Variants in COL22A1 observed in about 807,000 individuals in gnomAD.
COL22A1 encodes the protein collagen type XXII alpha 1 chain, also known as collagen alpha-1(XXII) chain.
In COL22A1, 221 loss-of-function variants were observed where a neutral mutation model predicts 248.9. The observed-to-expected ratio is 0.89, with a 90% confidence interval of 0.80 to 0.99. The LOEUF is 0.99. Ranked by LOEUF, COL22A1 falls within the 50% of genes least tolerant of loss-of-function variation. The probability of loss-of-function intolerance (pLI) is 0.00; values close to 1 mark genes in which losing one functional copy is unlikely to be tolerated. For synonymous variants in COL22A1, 891 were observed against 793.4 expected (o/e 1.12, Z -2.07); for missense variants, 2,240 against 2,179.0 (o/e 1.03, Z -0.56).
chr8:138,593,271 G>T lies in COL22A1; in HGVS notation c.4615+746C>A, dbSNP rs573440360. Among the ~76,000 whole-genome samples the T allele has an allele frequency of 3.9e-5, 6 of 152,142 alleles. No individual in the cohort carries two copies. The South Asian group carries it at 1.2e-3, about 32-fold the overall frequency. On this transcript the variant is annotated intron_variant, in intron 63 of 64. Coordinates refer to ENST00000303045, the MANE Select transcript of COL22A1 (RefSeq NM_152888.3). The stretch of plus-strand genomic sequence containing the variant: ...TTAGGACAAATACCTAATGCATGCA[G>T]GGCTTTAAACCTAGATGACGGTTTG...
chr8:138,641,252 C>T (rs1179362609), intron 47 of COL22A1, among the ~76,000 whole-genome samples: 1 of 152,184 alleles, frequency 6.6e-6, no homozygotes, highest in African/African-American at 2.4e-5. Context: ...CCAATGGCAG[C>T]AGGTATTATC....
chr8:138,676,458 G>GAAAGA (rs1564179990), intron 41 of COL22A1, 100 bp downstream of exon 41: 171 of 155,656 alleles, frequency 1.1e-3, no homozygotes, highest in African/African-American at 6.9e-3. Flanking sequence ...AGAAAGAAAG[G>GAAAGA]AAGAAAGAAA....
chr8:138,659,388 G>C (rs1823588769), intron 44 of COL22A1, among the ~76,000 whole-genome samples: 1 of 152,176 alleles, frequency 6.6e-6, no homozygotes. Flanking sequence ...ATTTGTAGCA[G>C]GTCAGGCTTA....
At chr8:138,715,050 C>A (rs1829322396) in intron 30 of COL22A1, among the ~76,000 whole-genome samples, 1 of 152,158 alleles carries the variant, frequency 6.6e-6, no homozygotes, top group Non-Finnish European at 1.5e-5. Context: ...GCACTCAGCA[C>A]AGGACAGGAG....
rs148787083 is a variant in COL22A1, at chr8:138,674,552, C to T, written c.3150+2006G>A. 1.2e-3 allele frequency among the ~76,000 whole-genome samples: 184 copies of T among 152,302 alleles called. 3 individuals carry two copies. The East Asian group carries it at 0.027, about 23-fold the overall frequency. ...TGATTTACAGCCTCTTGACTAGAGC[C>T]AGCCAATTACTTTTCAGGTGGACTT... On this transcript the variant is annotated intron_variant, in intron 41 of 64. Transcript: ENST00000303045.
intron 30 of COL22A1, among the ~76,000 whole-genome samples, chr8:138,703,595 G>A (rs991283765): frequency 4.6e-5 from 7 of 152,156 alleles, no homozygotes; most frequent in African/African-American, 7.2e-5. Flanking sequence ...ATTGATATGC[G>A]TAGTGGTAGA....
intron 51 of COL22A1, among the ~76,000 whole-genome samples, chr8:138,625,655 A>T: frequency 6.6e-6 from 1 of 152,262 alleles, no homozygotes; most frequent in East Asian, 1.9e-4. Flanking sequence ...AGAAATTTTT[A>T]AAATGCTATG....
At chr8:138,872,333 G>C (rs1423184162) in intron 3 of COL22A1, among the ~76,000 whole-genome samples, 1 of 152,180 alleles carries the variant, frequency 6.6e-6, no homozygotes, top group Non-Finnish European at 1.5e-5. Context: ...CACCACGGGA[G>C]CACAGGAGAG....
chr8:138,589,397 C>T lies in COL22A1; in HGVS notation c.4737G>A (p.Gly1579=). 6.3e-7 allele frequency: 1 copy of T among 1,592,824 alleles called. No homozygotes were observed. Among genetic ancestry groups the T allele is most frequent in the Non-Finnish European group, 8.5e-7 (1 of 1,170,240 alleles). ...EPGYAKDGLP[G]IPGPQGETGP... ...CTGTCTCCCCTTGAGGGCCAGGGAT[C>T]CCAGGAAGTCCATCTTTAGCATAGC... The change falls in exon 65 of 65, where the codon GGG becomes GGA. Residue 1579 remains glycine, a synonymous_variant. Transcript: ENST00000303045.
At chr8:138,722,854 GGGGGGGT>G (rs1384674399) in intron 25 of COL22A1, among the ~76,000 whole-genome samples, 1 of 128,886 alleles carries the variant, frequency 7.8e-6, no homozygotes, top group East Asian at 3.0e-4. Context: ...TGGGGGCGGG[GGGGGGGT>G]GGTGGAAAAC....
intron 2 of COL22A1, 106 bp downstream of exon 2, chr8:138,882,976 G>T: frequency 9.9e-7 from 1 of 1,010,880 alleles, no homozygotes; most frequent in Non-Finnish European, 1.4e-6. Context: ...CTCTCACACA[G>T]TCAGTTGTGA....
chr8:138,883,650 T>C (rs1824418207), intron 1 of COL22A1, among the ~76,000 whole-genome samples: 3 of 152,172 alleles, frequency 2.0e-5, no homozygotes, highest in Admixed American at 1.3e-4. Flanking sequence ...CATGCTGTTC[T>C]TATGATATTG....
intron 45 of COL22A1, among the ~76,000 whole-genome samples, chr8:138,654,528 T>TC (rs1823047032): frequency 6.6e-6 from 1 of 152,152 alleles, no homozygotes; most frequent in Non-Finnish European, 1.5e-5. Flanking sequence ...TCACCCAGTG[T>TC]CTTTTAGAGA....
chr8:138,906,929 A>G (rs769472957), intron 1 of COL22A1, among the ~76,000 whole-genome samples: 130 of 152,308 alleles, frequency 8.5e-4, no homozygotes, highest in Admixed American at 1.8e-3. Flanking sequence ...CCGGGACTAC[A>G]AGCATGAGCC....
At chr8:138,738,231 G>C (rs779300551) in intron 22 of COL22A1, among the ~76,000 whole-genome samples, 10 of 152,182 alleles carry the variant, frequency 6.6e-5, no homozygotes, top group Non-Finnish European at 1.0e-4. Flanking sequence ...CTCTTCTGCT[G>C]TGGGAATCCA....
chr8:138,620,984 TCCATCCATCCAC>T (rs1320804043), intron 52 of COL22A1, among the ~76,000 whole-genome samples: 11 of 126,054 alleles, frequency 8.7e-5, no homozygotes, highest in African/African-American at 2.4e-4. Context: ...CATCCATCCA[TCCATCCATCCAC>T]CCATCCATCC....
intron 16 of COL22A1, among the ~76,000 whole-genome samples, chr8:138,769,385 C>T (rs1230237332): frequency 1.3e-5 from 2 of 152,186 alleles, no homozygotes; most frequent in African/African-American, 2.4e-5. Context: ...CTGTGCTCAC[C>T]CAACAAAGGA....
At position 138,821,201 on chromosome 8, in the gene COL22A1, C is replaced by T. The variant is rs1416017216; in HGVS notation, c.1180G>A (p.Glu394Lys). 6.2e-7 allele frequency: 1 copy of T among 1,614,080 alleles called. No homozygotes were observed. Among genetic ancestry groups the T allele is most frequent in the Non-Finnish European group, 8.5e-7 (1 of 1,180,042 alleles). The change falls in exon 7 of 65, where the codon GAG (glutamate) becomes AAG (lysine). Residue 394 changes from glutamate to lysine, a missense_variant. Coordinates refer to ENST00000303045, the MANE Select transcript of COL22A1 (RefSeq NM_152888.3). ...GTCTTGCCCTGGATGTCAATGTTCTCCCGTTCCTCGATGGGTAGTGTCTGC... is the reference window on the plus strand; with the variant it reads ...GTCTTGCCCTGGATGTCAATGTTCTTCCGTTCCTCGATGGGTAGTGTCTGC... ...LVQTLPIEER[E>K]NIDIQGKTVI...
intron 56 of COL22A1, among the ~76,000 whole-genome samples, chr8:138,608,766 G>A (rs115854485): frequency 0.01 from 1,535 of 152,246 alleles, 21 homozygotes; most frequent in African/African-American, 0.031. Flanking sequence ...GGCTGTGTTC[G>A]TCTCTTCCTC....
Sources: gnomAD v4.1 joint callset for allele counts (sites outside exome capture counted in the v4.1 genomes callset) on GRCh38, gnomAD v4.1.1 for gene constraint, MANE v1.5 for transcripts, NCBI Gene and HGNC (gene_info 2026-07-23, HGNC 2026-07-21) for gene names.